The following SELENOF variants were observed in gnomAD, a reference collection of about 807,000 sequenced individuals.
SELENOF encodes the protein 15 kDa selenoprotein.
SELENOF carries 16 observed loss-of-function variants against 20.5 expected under a neutral mutation model. That is an observed-to-expected ratio of 0.78 (90% CI 0.53 to 1.19). SELENOF has a LOEUF of 1.19. Among genes scored for constraint, SELENOF ranks in the 50% most tolerant of loss-of-function variants. The pLI is 0.00. For missense variants in SELENOF, 215 were observed against 194.2 expected, an observed-to-expected ratio of 1.11 and a Z score of -0.64; for synonymous variants, 78 against 74.5, an observed-to-expected ratio of 1.05 and a Z score of -0.24.
intron 2 of SELENOF, among the ~76,000 whole-genome samples, chr1:86,889,987 A>G (rs1202114601): frequency 1.3e-5 from 2 of 152,224 alleles, no homozygotes; most frequent in African/African-American, 4.8e-5. Context: ...TCACACCAAC[A>G]AAAGTTATTA....
At chr1:86,875,227 T>A (rs1325277719) in intron 3 of SELENOF, among the ~76,000 whole-genome samples, 5 of 148,828 alleles carry the variant, frequency 3.4e-5, no homozygotes, top group African/African-American at 5.0e-5. Flanking sequence ...GGAGACAAAG[T>A]GAGACTCCGT....
intron 3 of SELENOF, among the ~76,000 whole-genome samples, chr1:86,872,848 C>A (rs1557455222): frequency 6.6e-6 from 1 of 151,932 alleles, no homozygotes; most frequent in East Asian, 2.0e-4. Context: ...TGAGACCATC[C>A]TGGCTAACAC....
intron 2 of SELENOF, chr1:86,887,230 A>C: frequency 1.3e-6 from 2 of 1,529,088 alleles, no homozygotes; most frequent in South Asian, 2.5e-5. Flanking sequence ...CAGCGTTATA[A>C]TTTTAACAAA....
At chr1:86,898,077 C>T (rs1241571502) in intron 2 of SELENOF, among the ~76,000 whole-genome samples, 9 of 152,114 alleles carry the variant, frequency 5.9e-5, no homozygotes, top group South Asian at 4.1e-4. Flanking sequence ...AATTTAAGTA[C>T]GTTTTGTTTC....
chr1:86,909,801 C>T (rs1169553407), intron 1 of SELENOF, among the ~76,000 whole-genome samples: 1 of 151,992 alleles, frequency 6.6e-6, no homozygotes, highest in Non-Finnish European at 1.5e-5. Context: ...GTCAGGAGTT[C>T]GAGACCAGCC....
chr1:86,913,571 A>G (rs920528353), intron 1 of SELENOF, among the ~76,000 whole-genome samples: 3 of 152,222 alleles, frequency 2.0e-5, no homozygotes, highest in African/African-American at 4.8e-5. Context: ...AGAGACTAAC[A>G]GAAGTAGTGA....
chr1:86,897,878 T>C (rs1425281806), intron 2 of SELENOF, among the ~76,000 whole-genome samples: 1 of 152,200 alleles, frequency 6.6e-6, no homozygotes, highest in Non-Finnish European at 1.5e-5. Context: ...GTGGAGTCCA[T>C]GAGTCAAAAG....
chr1:86,891,128 C>T (rs1239523130), intron 2 of SELENOF, among the ~76,000 whole-genome samples: 1 of 151,240 alleles, frequency 6.6e-6, no homozygotes, highest in Admixed American at 6.6e-5. Context: ...CAGCTCACTG[C>T]AACCTCTACC....
At chr1:86,875,710 C>A (rs948187270) in intron 3 of SELENOF, among the ~76,000 whole-genome samples, 1 of 152,086 alleles carries the variant, frequency 6.6e-6, no homozygotes, top group Non-Finnish European at 1.5e-5. Context: ...AGGCAAAAGA[C>A]CAGTACGCCA....
chr1:86,890,416 A>T (rs1212975791), intron 2 of SELENOF, among the ~76,000 whole-genome samples: 3 of 152,176 alleles, frequency 2.0e-5, no homozygotes, highest in Admixed American at 1.3e-4. Flanking sequence ...TGGACATAAT[A>T]AAAAAAGTAT....
rs1243115363 is a variant in SELENOF, at chr1:86,903,294, A to C, written c.239T>G (p.Phe80Cys). The C allele has an allele frequency of 1.2e-6, 2 of 1,610,504 alleles. No homozygotes were observed. The highest frequency in any genetic ancestry group is 1.7e-6 in the Non-Finnish European group (2 of 1,178,540). The change falls in exon 2 of 5, where the codon TTT (phenylalanine) becomes TGT (cysteine). Residue 80 changes from phenylalanine (F) to cysteine (C), a missense_variant. Phe to Cys is a radical substitution (Grantham distance 205). Transcript: ENST00000331835. ...AGAAAACAGTACCTTTTTGGTTTCA[A>C]ATTGTGCTTCCTCCTGACAGCATCC... ...CRGCCQEEAQ[F>C]ETKKLYAGAI... is the part of the protein sequence containing the mutation.
chr1:86,869,661 C>T (rs1297322069), intron 3 of SELENOF, among the ~76,000 whole-genome samples: 1 of 152,124 alleles, frequency 6.6e-6, no homozygotes, highest in African/African-American at 2.4e-5. Context: ...AATGATCATG[C>T]CTAATTAATT....
intron 3 of SELENOF, among the ~76,000 whole-genome samples, chr1:86,872,608 C>T (rs1658805938): frequency 6.6e-6 from 1 of 151,620 alleles, no homozygotes; most frequent in Admixed American, 6.6e-5. Flanking sequence ...GTCGAATTCC[C>T]AACCTCAGGT....
intron 2 of SELENOF, among the ~76,000 whole-genome samples, chr1:86,881,132 T>G (rs1443222184): frequency 2.6e-5 from 4 of 152,188 alleles, no homozygotes; most frequent in Non-Finnish European, 5.9e-5. Flanking sequence ...TAAAAATTCT[T>G]TCTGGTGGCT....
At chr1:86,904,892 T>G (rs1333726724) in intron 1 of SELENOF, among the ~76,000 whole-genome samples, 1 of 152,216 alleles carries the variant, frequency 6.6e-6, no homozygotes, top group Non-Finnish European at 1.5e-5. Flanking sequence ...TTTACATGCC[T>G]TCTATTTATT....
intron 2 of SELENOF, among the ~76,000 whole-genome samples, chr1:86,893,281 TCA>T (rs964722982): frequency 2.8e-4 from 43 of 152,140 alleles, no homozygotes; most frequent in African/African-American, 1.0e-3. Flanking sequence ...GCTAGCTCAA[TCA>T]CAAAGTCAGT....
Position 86,880,736 on chromosome 1 carries a change from A to G in SELENOF, c.253-11T>C. 8 of 1,532,538 alleles carry G rather than the reference A, an allele frequency of 5.2e-6. No individual in the cohort carries two copies. The highest frequency in any genetic ancestry group is 7.0e-6 in the Non-Finnish European group (8 of 1,138,390). 94.9% of individuals were successfully genotyped at this position (1,532,538 alleles called of 1,614,324 possible). Reference sequence around the variant, plus strand: ...AGCTCCTGCATACAGCTACAAAAGGAAAAACAGGAATTTAAAAAACTGGTA... The same window carrying G: ...AGCTCCTGCATACAGCTACAAAAGGGAAAACAGGAATTTAAAAAACTGGTA... On this transcript the variant is annotated splice_polypyrimidine_tract_variant and intron_variant, in intron 2 of 4. Transcript: ENST00000331835.
chr1:86,891,697 C>A (rs192882192), intron 2 of SELENOF, among the ~76,000 whole-genome samples: 32 of 152,104 alleles, frequency 2.1e-4, no homozygotes, highest in Non-Finnish European at 2.9e-4. Context: ...ATAAAATAAA[C>A]TTAAAATTCT....
At chr1:86,900,607 G>A (rs1659674586) in intron 2 of SELENOF, among the ~76,000 whole-genome samples, 1 of 151,834 alleles carries the variant, frequency 6.6e-6, no homozygotes, top group Admixed American at 6.6e-5. Context: ...ACCGTGGGGA[G>A]AGGGAGACCG....
Sources: gnomAD v4.1 joint callset for allele counts (sites outside exome capture counted in the v4.1 genomes callset) on GRCh38, gnomAD v4.1.1 for gene constraint, MANE v1.5 for transcripts, NCBI Gene and HGNC (gene_info 2026-07-23, HGNC 2026-07-21) for gene names.